The following PDGFC variants were observed in gnomAD, a reference collection of about 807,000 sequenced individuals.
The protein encoded by PDGFC is platelet derived growth factor C, also known as platelet-derived growth factor C.
In PDGFC, 12 loss-of-function variants were observed where a neutral mutation model predicts 35.5. The observed-to-expected ratio is 0.34, with a 90% confidence interval of 0.22 to 0.55. PDGFC has a LOEUF of 0.55. PDGFC is among the 20% of genes least tolerant of loss of function. PDGFC has a pLI of 0.91. For synonymous variants in PDGFC, 159 were observed against 148.8 expected (o/e 1.07, Z -0.50); for missense variants, 322 against 412.4 (o/e 0.78, Z 1.90).
chr4:156,802,894 T>C (rs966553027), intron 3 of PDGFC, among the ~76,000 whole-genome samples: 3 of 152,192 alleles, frequency 2.0e-5, no homozygotes, highest in Non-Finnish European at 4.4e-5. Flanking sequence ...TTTTAAGTTA[T>C]GCAAGGCTGC....
At chr4:156,825,095 G>T (rs1294117428) in intron 2 of PDGFC, among the ~76,000 whole-genome samples, 1 of 152,078 alleles carries the variant, frequency 6.6e-6, no homozygotes, top group South Asian at 2.1e-4. Context: ...TTTACCTCAT[G>T]GATTATCATT....
chr4:156,855,422 G>T (rs1331166408), intron 1 of PDGFC, among the ~76,000 whole-genome samples: 2 of 152,124 alleles, frequency 1.3e-5, no homozygotes, highest in Non-Finnish European at 2.9e-5. Context: ...TTAAAATTAG[G>T]TAGAAAGAAG....
At chr4:156,763,826 A>G (rs1313371675) in intron 5 of PDGFC, among the ~76,000 whole-genome samples, 1 of 152,188 alleles carries the variant, frequency 6.6e-6, no homozygotes, top group Non-Finnish European at 1.5e-5. Flanking sequence ...GTGCAGTGAG[A>G]AGAGGTTTGG....
At chr4:156,941,169 T>C (rs1380893728) in intron 1 of PDGFC, among the ~76,000 whole-genome samples, 1 of 152,120 alleles carries the variant, frequency 6.6e-6, no homozygotes, top group Non-Finnish European at 1.5e-5. Context: ...ATGAAGACCA[T>C]ACTGACGCAG....
intron 1 of PDGFC, among the ~76,000 whole-genome samples, chr4:156,967,928 A>G (rs80024855): frequency 0.039 from 5,998 of 152,332 alleles, 383 homozygotes; most frequent in African/African-American, 0.13. Flanking sequence ...TAAGTATAGT[A>G]TATGAAGTCA....
At chr4:156,890,179 G>A (rs1210494433) in intron 1 of PDGFC, among the ~76,000 whole-genome samples, 1 of 151,996 alleles carries the variant, frequency 6.6e-6, no homozygotes, top group East Asian at 1.9e-4. Flanking sequence ...ACTTGAAGCA[G>A]TAATCCATGG....
intron 2 of PDGFC, among the ~76,000 whole-genome samples, chr4:156,838,339 C>T (rs189053225): frequency 1.3e-5 from 2 of 152,318 alleles, no homozygotes; most frequent in African/African-American, 2.4e-5. Flanking sequence ...CCAAATCTTG[C>T]CAATCAGAGG....
intron 5 of PDGFC, among the ~76,000 whole-genome samples, chr4:156,764,527 A>G (rs1730466268): frequency 6.6e-6 from 1 of 152,206 alleles, no homozygotes; most frequent in African/African-American, 2.4e-5. Context: ...ATAATTTTAT[A>G]GACTCAGAAT....
intron 1 of PDGFC, among the ~76,000 whole-genome samples, chr4:156,931,707 T>G (rs912153374): frequency 1.6e-4 from 25 of 152,360 alleles, no homozygotes; most frequent in Non-Finnish European, 2.6e-4. Flanking sequence ...ATTTGCTATG[T>G]TAACTATCCT....
intron 3 of PDGFC, among the ~76,000 whole-genome samples, chr4:156,805,420 T>C (rs1579020492): frequency 6.6e-6 from 1 of 152,102 alleles, no homozygotes; most frequent in East Asian, 1.9e-4. Context: ...TAAGTAAGTT[T>C]TCAAATAAAT....
In PDGFC at chr4:156,852,203, TTGGAGATATG is replaced by T. The variant is rs199531096; in HGVS notation, c.119-1797_119-1788del. 1.6e-3 allele frequency among the ~76,000 whole-genome samples: 245 copies of T among 152,202 alleles called. 3 individuals are homozygous for T. In the East Asian group the frequency reaches 0.039, roughly 24 times the overall value. On this transcript the variant is annotated intron_variant, in intron 1 of 5. Transcript: ENST00000502773. ...GCAATGCCTCATTGGTATTCATAAT[TTGGAGATATG>T]CTGCACAACACTGAACACTGTATTT...
intron 2 of PDGFC, among the ~76,000 whole-genome samples, chr4:156,815,631 A>C (rs998091371): frequency 7.9e-5 from 12 of 152,184 alleles, no homozygotes; most frequent in South Asian, 2.1e-4. Flanking sequence ...TAGCCAAATG[A>C]AAAGAGGATG....
intron 2 of PDGFC, among the ~76,000 whole-genome samples, chr4:156,825,593 T>TAAGAAGAAGAAGAAGAAGAAGAAG (rs60033232): frequency 1.1e-4 from 7 of 62,186 alleles, no homozygotes; most frequent in Non-Finnish European, 1.4e-4. Context: ...ATAATAATAA[T>TAAGAAGAAGAAGAAGAAGAAGAAG]AAGAAGAAGA....
At chr4:156,801,227 T>C (rs1054673185) in intron 3 of PDGFC, among the ~76,000 whole-genome samples, 25 of 151,956 alleles carry the variant, frequency 1.6e-4, no homozygotes, top group African/African-American at 6.0e-4. Flanking sequence ...TATGACTGCA[T>C]CCATAGCCAG....
chr4:156,911,973 T>C (rs1731050063), intron 1 of PDGFC, among the ~76,000 whole-genome samples: 2 of 152,132 alleles, frequency 1.3e-5, no homozygotes, highest in Admixed American at 1.3e-4. Flanking sequence ...AGAAGTTAAG[T>C]GGCTTTGGTC....
intron 3 of PDGFC, among the ~76,000 whole-genome samples, chr4:156,783,307 A>G (rs4691378): frequency 0.46 from 69,902 of 151,896 alleles, 19,241 homozygotes; most frequent in African/African-American, 0.77. Flanking sequence ...ACAAAGCAGT[A>G]CAAGAGTCAA....
At position 156,760,535 on chromosome 4, in the gene PDGFC, A is replaced by G. The variant is rs1349787468; in HGVS notation, c.*2555T>C. 1 of 152,240 alleles carries G rather than the reference A, an allele frequency of 6.6e-6. No homozygotes were observed. The highest frequency in any genetic ancestry group is 1.5e-5 in the Non-Finnish European group (1 of 68,042). 9.4% of individuals were successfully genotyped at this position (152,240 alleles called of 1,614,324 possible). On this transcript the variant is annotated 3_prime_UTR_variant, in exon 6 of 6. Coordinates refer to ENST00000502773, the MANE Select transcript of PDGFC (RefSeq NM_016205.3). Reference sequence around the variant, plus strand: ...TCTCAAGGACAAAGGCTTGAAACAGATATCATACACAAAACGGTGTGTGGT... The same window carrying G: ...TCTCAAGGACAAAGGCTTGAAACAGGTATCATACACAAAACGGTGTGTGGT...
intron 1 of PDGFC, among the ~76,000 whole-genome samples, chr4:156,906,367 T>C (rs1431901867): frequency 6.6e-6 from 1 of 152,180 alleles, no homozygotes; most frequent in Non-Finnish European, 1.5e-5. Flanking sequence ...TGAATGTTTA[T>C]GGCTCATGGT....
intron 1 of PDGFC, chr4:156,886,907 A>G (rs1730389482): frequency 6.6e-6 from 1 of 152,188 alleles, no homozygotes; most frequent in Non-Finnish European, 1.5e-5. Context: ...AACTGTGCTA[A>G]CTATAGACAT....
Sources: allele counts gnomAD v4.1 joint callset (sites outside exome capture counted in the v4.1 genomes callset), GRCh38; gene constraint gnomAD v4.1.1; transcripts MANE v1.5; gene names NCBI Gene and HGNC (gene_info 2026-07-23, HGNC 2026-07-21).